The following TBK1 variants were observed in gnomAD, a reference collection of about 807,000 sequenced individuals.
The protein encoded by TBK1 is TANK binding kinase 1.
In TBK1, 37 loss-of-function variants were observed where a neutral mutation model predicts 99.9. The ratio of observed to expected loss-of-function variants is 0.37; its 90% CI spans 0.28 to 0.49. The LOEUF is 0.49. Among genes scored for constraint, TBK1 ranks in the 20% least tolerant of loss-of-function variants. TBK1 has a pLI of 0.98. For missense variants in TBK1, 644 were observed against 872.5 expected (o/e 0.74, Z 3.30); for synonymous variants, 258 against 279.8 (o/e 0.92, Z 0.78).
At position 64,485,446 on chromosome 12, in the gene TBK1, A is replaced by C; in HGVS notation, c.1190-9A>C. 1.4e-6 allele frequency: 2 copies of C among 1,475,454 alleles called. No individual in the cohort carries two copies. Among genetic ancestry groups the C allele is most frequent in the Non-Finnish European group, 1.9e-6 (2 of 1,075,430 alleles). The allele number at this position is 1,475,454 out of a possible 1,614,324, so 91.4% of individuals were successfully genotyped here. On this transcript the variant is annotated splice_polypyrimidine_tract_variant and intron_variant, in intron 9 of 20. Coordinates refer to ENST00000331710, the MANE Select transcript of TBK1 (RefSeq NM_013254.4). ...TTTCTTTCTCATTTTATTTTACTTC[A>C]TATTTCAGTTTCCCTCCCTAAAGTA...
intron 9 of TBK1, among the ~76,000 whole-genome samples, chr12:64,484,927 A>C (rs2040803764): frequency 6.6e-6 from 1 of 152,202 alleles, no homozygotes; most frequent in Non-Finnish European, 1.5e-5. Flanking sequence ...GACTTCAAAT[A>C]TTTTGTTTCC....
intron 2 of TBK1, among the ~76,000 whole-genome samples, chr12:64,456,547 G>A (rs762294900): frequency 6.6e-6 from 1 of 152,048 alleles, no homozygotes; most frequent in African/African-American, 2.4e-5. Context: ...GGCACTTCAA[G>A]AACCAAAAAG....
At chr12:64,485,861 G>A (rs2040815556) in intron 10 of TBK1, 65 bp from the exon 11 acceptor site, 2 of 1,180,806 alleles carry the variant, frequency 1.7e-6, no homozygotes, top group Non-Finnish European at 1.2e-6. Flanking sequence ...ATAATTTTGT[G>A]TAAAAGTTTT....
chr12:64,499,188 C>T (rs1027805555), intron 20 of TBK1, among the ~76,000 whole-genome samples: 26 of 151,092 alleles, frequency 1.7e-4, no homozygotes, highest in Non-Finnish European at 3.4e-4. Flanking sequence ...GGATTACAGG[C>T]GCCCACCACC....
chr12:64,492,535 A>G (rs183934856), intron 13 of TBK1, among the ~76,000 whole-genome samples: 128 of 152,130 alleles, frequency 8.4e-4, no homozygotes, highest in African/African-American at 2.9e-3. Context: ...GGAACTCCCA[A>G]CCTCAGGTGA....
At chr12:64,487,310 A>G (rs548452826) in intron 11 of TBK1, among the ~76,000 whole-genome samples, 1 of 152,350 alleles carries the variant, frequency 6.6e-6, no homozygotes, top group Admixed American at 6.5e-5. Flanking sequence ...TCATGTCGCT[A>G]TGTATGTGCC....
At chr12:64,464,855 A>T (rs1379330492) in intron 4 of TBK1, among the ~76,000 whole-genome samples, 1 of 152,192 alleles carries the variant, frequency 6.6e-6, no homozygotes, top group Non-Finnish European at 1.5e-5. Context: ...CTCAACATTA[A>T]TTAATTAATA....
intron 1 of TBK1, among the ~76,000 whole-genome samples, chr12:64,454,731 C>CAGTG (rs1262409544): frequency 8.1e-6 from 1 of 124,176 alleles, no homozygotes; most frequent in Non-Finnish European, 1.6e-5. Flanking sequence ...GCCTGGAGTG[C>CAGTG]AGTGGCGCGA....
chr12:64,471,667 T>C (rs1326041499), intron 5 of TBK1, among the ~76,000 whole-genome samples: 1 of 152,184 alleles, frequency 6.6e-6, no homozygotes, highest in African/African-American at 2.4e-5. Context: ...TCTACTGTTT[T>C]TAATATGATG....
chr12:64,465,650 CATT>C (rs1028286175), intron 4 of TBK1, among the ~76,000 whole-genome samples: 7 of 152,028 alleles, frequency 4.6e-5, no homozygotes, highest in African/African-American at 1.4e-4. Context: ...AACTTGAAAA[CATT>C]ATGCTAAGTG....
chr12:64,452,363 C>G (rs1327162921), intron 1 of TBK1, 176 bp downstream of exon 1: 1 of 152,224 alleles, frequency 6.6e-6, no homozygotes, highest in Non-Finnish European at 1.5e-5. Context: ...CCAAGCCATC[C>G]AGGACCCCGG....
chr12:64,480,560 G>A (rs1042723885), intron 7 of TBK1, among the ~76,000 whole-genome samples: 3 of 152,110 alleles, frequency 2.0e-5, no homozygotes, highest in African/African-American at 7.2e-5. Context: ...TATTCAAAGG[G>A]TGAGAAATAA....
intron 13 of TBK1, among the ~76,000 whole-genome samples, chr12:64,491,318 A>G (rs944668873): frequency 6.6e-6 from 1 of 151,970 alleles, no homozygotes; most frequent in Non-Finnish European, 1.5e-5. Flanking sequence ...TAAATGAGAT[A>G]AATAAAAATA....
intron 20 of TBK1, among the ~76,000 whole-genome samples, chr12:64,500,673 G>C (rs961308238): frequency 3.3e-5 from 5 of 150,728 alleles, no homozygotes; most frequent in African/African-American, 1.2e-4. Flanking sequence ...ACTTCCCACT[G>C]CTCCCCAAAA....
chr12:64,501,179 T>C (rs2040984614), intron 20 of TBK1, 151 bp from the exon 21 acceptor site: 1 of 696,252 alleles, frequency 1.4e-6, no homozygotes, highest in African/African-American at 1.8e-5. Context: ...TACCATGCTG[T>C]TCCAGTAAGA....
intron 11 of TBK1, among the ~76,000 whole-genome samples, chr12:64,487,029 ATAGT>A (rs1428150586): frequency 6.6e-6 from 1 of 152,234 alleles, no homozygotes; most frequent in Admixed American, 6.5e-5. Context: ...ATCGCTTAAT[ATAGT>A]TATTCTAGTT....
chr12:64,457,359 C>T (rs898908611), intron 2 of TBK1, among the ~76,000 whole-genome samples: 3 of 152,190 alleles, frequency 2.0e-5, no homozygotes, highest in Admixed American at 2.0e-4. Context: ...ATTCAGATTA[C>T]TTGCGATCAA....
chr12:64,467,949 CT>C (rs1249402863), intron 5 of TBK1, among the ~76,000 whole-genome samples: 3 of 152,128 alleles, frequency 2.0e-5, no homozygotes. Flanking sequence ...AATTCCAACA[CT>C]TTGGGAGGCT....
At chr12:64,491,670 T>C (rs1386168634) in intron 13 of TBK1, among the ~76,000 whole-genome samples, 2 of 152,144 alleles carry the variant, frequency 1.3e-5, no homozygotes, top group Admixed American at 6.6e-5. Flanking sequence ...GCTTTTAGTA[T>C]TCGAAGTATT....
Sources: allele counts gnomAD v4.1 joint callset (sites outside exome capture counted in the v4.1 genomes callset), GRCh38; gene constraint gnomAD v4.1.1; transcripts MANE v1.5; gene names NCBI Gene and HGNC (gene_info 2026-07-23, HGNC 2026-07-21).